The following DRD3 variants were observed in gnomAD, a reference collection of about 807,000 sequenced individuals.
The protein encoded by DRD3 is dopamine receptor D3.
In DRD3, 19 loss-of-function variants were observed where a neutral mutation model predicts 36.3. The observed-to-expected ratio is 0.52, with a 90% confidence interval of 0.36 to 0.77. The LOEUF (loss-of-function observed/expected upper bound fraction) is 0.77. Ranked by LOEUF, DRD3 falls within the 30% of genes least tolerant of loss-of-function variation. The pLI is 0.00. For missense variants in DRD3, 465 were observed against 505.3 expected, an observed-to-expected ratio of 0.92 and a Z score of 0.77; for synonymous variants, 195 against 203.7, an observed-to-expected ratio of 0.96 and a Z score of 0.36.
chr3:114,192,598 TAC>T (rs1268187262), intron 1 of DRD3, among the ~76,000 whole-genome samples: 7 of 152,352 alleles, frequency 4.6e-5, no homozygotes, highest in African/African-American at 1.7e-4. Context: ...TGTTGGTGAT[TAC>T]ACTTGCCTTC....
At position 114,128,266 on chromosome 3, in the gene DRD3, C is replaced by A. The variant is rs568190241; in HGVS notation, c.*450G>T. 3.0e-4 allele frequency among the ~76,000 whole-genome samples: 46 copies of A among 152,186 alleles called. 1 individual carries two copies. In the South Asian group the frequency reaches 9.1e-3, roughly 30 times the overall value. ...AAAGAAATGACCAAGAGGAATGGGC[C>A]CGTAAAAGTACAAGGTTAGCCTGAC... is the stretch of plus-strand genomic sequence containing the variant. On this transcript the variant is annotated 3_prime_UTR_variant, in exon 7 of 7. Coordinates refer to ENST00000383673, the MANE Select transcript of DRD3 (RefSeq NM_000796.6).
chr3:114,138,539 C>A (rs2077495721), intron 5 of DRD3, among the ~76,000 whole-genome samples: 1 of 152,068 alleles, frequency 6.6e-6, no homozygotes, highest in African/African-American at 2.4e-5. Context: ...AAAGACCCAC[C>A]CCCATCATTC....
At chr3:114,156,759 C>CTTTCTTTCTTTCTTACTTTCTTTCTT (rs2077675762) in intron 3 of DRD3, among the ~76,000 whole-genome samples, 1 of 106,448 alleles carries the variant, frequency 9.4e-6, no homozygotes, top group African/African-American at 3.5e-5. Context: ...TTCTTTCTTT[C>CTTTCTTTCTTTCTTACTTTCTTTCTT]TTTCTTTCTT....
chr3:114,159,952 C>CAACA, intron 2 of DRD3, 85 bp from the exon 3 acceptor site: 1 of 1,195,606 alleles, frequency 8.4e-7, no homozygotes, highest in Non-Finnish European at 1.2e-6. Flanking sequence ...GCTTTGCTGC[C>CAACA]TAGTGTAGAT....
upstream of DRD3, among the ~76,000 whole-genome samples, chr3:114,180,483 G>A (rs2107897204): frequency 6.6e-6 from 1 of 152,236 alleles, no homozygotes; most frequent in South Asian, 2.1e-4. Context: ...GCACACAGAG[G>A]AAAGGACACA....
At chr3:114,165,245 C>T (rs111522445) in intron 2 of DRD3, among the ~76,000 whole-genome samples, 10,061 of 151,722 alleles carry the variant, frequency 0.066, 373 homozygotes, top group South Asian at 0.1. Flanking sequence ...TCAAGATGTC[C>T]GCAACAATCA....
upstream of DRD3, among the ~76,000 whole-genome samples, chr3:114,179,223 A>G (rs1365342335): frequency 6.6e-6 from 1 of 152,188 alleles, no homozygotes; most frequent in African/African-American, 2.4e-5. Context: ...TGATTAGTTC[A>G]GAAGGAACAG....
intron 3 of DRD3, among the ~76,000 whole-genome samples, chr3:114,149,956 A>G (rs1346116154): frequency 6.6e-6 from 1 of 152,192 alleles, no homozygotes; most frequent in Non-Finnish European, 1.5e-5. Context: ...TGAGAAGAGA[A>G]CCTACCTACA....
chr3:114,140,374 A>C (rs1349538165), intron 4 of DRD3, among the ~76,000 whole-genome samples: 1 of 152,162 alleles, frequency 6.6e-6, no homozygotes, highest in Non-Finnish European at 1.5e-5. Flanking sequence ...TTATATCCTG[A>C]AATGTTCCTG....
intron 4 of DRD3, 57 bp from the exon 5 acceptor site, chr3:114,139,753 A>G: frequency 6.5e-7 from 1 of 1,542,266 alleles, no homozygotes; most frequent in South Asian, 1.2e-5. Flanking sequence ...CTCAGTAAGG[A>G]GCATAAAACA....
At chr3:114,141,201 T>C (rs1420762571) in intron 4 of DRD3, among the ~76,000 whole-genome samples, 1 of 152,050 alleles carries the variant, frequency 6.6e-6, no homozygotes, top group Non-Finnish European at 1.5e-5. Flanking sequence ...CCAGCTAATT[T>C]TTTTGTATTT....
In DRD3 at chr3:114,167,072, C is replaced by A. The variant is rs117354510; in HGVS notation, c.270+4651G>T. Among the ~76,000 whole-genome samples the A allele has an allele frequency of 1.0e-3, 156 of 152,244 alleles. 2 individuals carry two copies. The East Asian group carries it at 0.02, about 20-fold the overall frequency. The stretch of plus-strand genomic sequence containing the variant: ...TACAAAACTCAAAGATTCTTCCCTT[C>A]CCAAAATTTTGCTATTCTTTTCTTT... On this transcript the variant is annotated intron_variant, in intron 2 of 6. Coordinates refer to ENST00000383673, the MANE Select transcript of DRD3 (RefSeq NM_000796.6).
chr3:114,198,086 A>G (rs528181574), intron 1 of DRD3, among the ~76,000 whole-genome samples: 119 of 152,126 alleles, frequency 7.8e-4, no homozygotes, highest in Non-Finnish European at 1.4e-3. Flanking sequence ...AAGTAAATCT[A>G]TTTATTTAGG....
chr3:114,177,981 T>C (rs921181573), intron 1 of DRD3, among the ~76,000 whole-genome samples: 2 of 152,208 alleles, frequency 1.3e-5, no homozygotes, highest in African/African-American at 4.8e-5. Flanking sequence ...TTATTATTCA[T>C]GCATGTATTT....
chr3:114,127,963 A>T lies in DRD3; in HGVS notation c.*753T>A, dbSNP rs2077393690. 1.3e-5 allele frequency among the ~76,000 whole-genome samples: 2 copies of T among 152,224 alleles called. No homozygotes were observed. Among genetic ancestry groups the T allele is most frequent in the Admixed American group, 1.3e-4 (2 of 15,282 alleles). On this transcript the variant is annotated 3_prime_UTR_variant, in exon 7 of 7. Coordinates refer to ENST00000383673, the MANE Select transcript of DRD3 (RefSeq NM_000796.6). ...GTTTCAACAGTGAAACTACAATGGG[A>T]TGTGTCATTCCGTCTTCAGAAAATA...
In DRD3 at chr3:114,168,485, A is replaced by G. The variant is rs79414899; in HGVS notation, c.270+3238T>C. 9.4e-3 allele frequency among the ~76,000 whole-genome samples: 1,427 copies of G among 152,210 alleles called. 27 individuals carry two copies. The highest frequency in any genetic ancestry group is 0.032 in the African/African-American group (1,344 of 41,518). On this transcript the variant is annotated intron_variant, in intron 2 of 6. Transcript: ENST00000383673. ...TGCAGCTAAAGGTGGCCTCATGACT[A>G]AGTTCTGGCCAATTAAGCTTATGTG...
intron 2 of DRD3, among the ~76,000 whole-genome samples, chr3:114,165,882 C>T (rs1039738389): frequency 3.1e-4 from 47 of 151,928 alleles, no homozygotes; most frequent in African/African-American, 1.1e-3. Flanking sequence ...TAGCTGGTTG[C>T]ACAAGTCACA....
At chr3:114,134,384 C>T (rs1368488998) in intron 5 of DRD3, among the ~76,000 whole-genome samples, 1 of 151,944 alleles carries the variant, frequency 6.6e-6, no homozygotes, top group Non-Finnish European at 1.5e-5. Flanking sequence ...AGGTGTGAGC[C>T]AACATGCCCA....
In DRD3 at chr3:114,169,210, G is replaced by T. The variant is rs141209295; in HGVS notation, c.270+2513C>A. ...CAAAGTGCTCTTTTCTTTCATTAAG[G>T]TGCCTCATTTGCCTCTAAGGAAAGA... On this transcript the variant is annotated intron_variant, in intron 2 of 6. Coordinates refer to ENST00000383673, the MANE Select transcript of DRD3 (RefSeq NM_000796.6). Among the ~76,000 whole-genome samples the T allele has an allele frequency of 2.9e-3, 440 of 151,610 alleles. 4 individuals carry two copies. The highest frequency in any genetic ancestry group is 9.9e-3 in the African/African-American group (411 of 41,356).
Sources: allele counts gnomAD v4.1 joint callset (sites outside exome capture counted in the v4.1 genomes callset), GRCh38; gene constraint gnomAD v4.1.1; transcripts MANE v1.5; gene names NCBI Gene and HGNC (gene_info 2026-07-23, HGNC 2026-07-21).